SYNRG: variants seen among roughly 807,000 people sequenced by gnomAD.
SYNRG encodes the protein synergin gamma.
In SYNRG, 37 loss-of-function variants were observed where a neutral mutation model predicts 130.9. The observed-to-expected ratio is 0.28, with a 90% CI of 0.22 to 0.37. SYNRG has a LOEUF of 0.37. Ranked by LOEUF, SYNRG falls within the 10% of genes least tolerant of loss-of-function variation. The probability of loss-of-function intolerance (pLI) is 1.00; values close to 1 mark genes in which losing one functional copy is unlikely to be tolerated. For synonymous variants in SYNRG, 539 were observed against 568.1 expected (o/e 0.95, Z 0.73); for missense variants, 1,338 against 1,588.9 (o/e 0.84, Z 2.68).
intron 13 of SYNRG, among the ~76,000 whole-genome samples, 194 bp from the exon 14 acceptor site, chr17:37,554,253 A>G (rs2058933625): frequency 6.6e-6 from 1 of 152,208 alleles, no homozygotes; most frequent in African/African-American, 2.4e-5. Flanking sequence ...ATACTGAAAT[A>G]AATAGAAATC....
chr17:37,582,659 G>C (rs2146390153), intron 6 of SYNRG, among the ~76,000 whole-genome samples: 1 of 152,262 alleles, frequency 6.6e-6, no homozygotes, highest in South Asian at 2.1e-4. Context: ...CCAGGAGTTT[G>C]AGACTAGCCA....
Position 37,542,128 on chromosome 17 carries a change from TTTC to T in SYNRG, c.3043_3045del (p.Glu1015del). On this transcript the variant is annotated inframe_deletion, in exon 15 of 22. Transcript: ENST00000612223. ...AAGTCATCCGAACATTCGTTCGGGG[TTTC>T]TTGAGAGGCACCACTGGACGCTGGG... is the stretch of plus-strand genomic sequence containing the variant. The T allele has an allele frequency of 3.7e-6, 6 of 1,614,102 alleles. No homozygotes were observed. Among genetic ancestry groups the T allele is most frequent in the Non-Finnish European group, 5.1e-6 (6 of 1,180,020 alleles).
At chr17:37,539,389 GT>G in intron 16 of SYNRG, 144 bp from the exon 17 acceptor site, 1 of 913,704 alleles carries the variant, frequency 1.1e-6, no homozygotes, top group East Asian at 2.6e-5. Context: ...TTTTGTTTTT[GT>G]TTTTGTTTTG....
intron 14 of SYNRG, among the ~76,000 whole-genome samples, chr17:37,544,235 T>C (rs775958910): frequency 6.6e-6 from 1 of 151,812 alleles, no homozygotes; most frequent in Non-Finnish European, 1.5e-5. Flanking sequence ...TATTTAAAAA[T>C]TCTGTGGTGC....
intron 6 of SYNRG, chr17:37,579,485 G>A: frequency 8.0e-7 from 1 of 1,251,052 alleles, no homozygotes; most frequent in South Asian, 1.3e-5. Flanking sequence ...AACCAACAGA[G>A]AAAAAGGAAT....
At position 37,571,843 on chromosome 17, in the gene SYNRG, T is replaced by C. The variant is rs2060458299; in HGVS notation, c.1046A>G (p.Lys349Arg). The C allele has an allele frequency of 6.8e-6, 11 of 1,614,190 alleles. No individual in the cohort carries two copies. Among genetic ancestry groups the C allele is most frequent in the Non-Finnish European group, 7.6e-6 (9 of 1,180,032 alleles). ...WALANRTTPG[K>R]LTKEELYTVL... ...GGTATAAAGTTCTTCTTTTGTAAGT[T>C]TGCCAGGTGTAGTTCGATTAGCTAA... Residue 349 changes from lysine to arginine, a missense_variant, in exon 9 of 22, where the codon AAA becomes AGA. Lys to Arg is a conservative substitution (Grantham distance 26). Coordinates refer to ENST00000612223, the MANE Select transcript of SYNRG (RefSeq NM_007247.6).
At chr17:37,589,242 C>T (rs2061942299) in intron 3 of SYNRG, among the ~76,000 whole-genome samples, 1 of 152,050 alleles carries the variant, frequency 6.6e-6, no homozygotes. Context: ...GCAAGGACCA[C>T]GAATCAGCTA....
chr17:37,576,214 G>GA, intron 8 of SYNRG, 127 bp downstream of exon 8: 1 of 855,276 alleles, frequency 1.2e-6, no homozygotes, highest in Non-Finnish European at 1.8e-6. Flanking sequence ...TACTCTTTCA[G>GA]AAAAAAAGAA....
chr17:37,520,197 T>G lies in SYNRG; in HGVS notation c.3795A>C (p.Ala1265=). 6.2e-7 allele frequency: 1 copy of G among 1,614,222 alleles called. No homozygotes were observed. Residue 1265 remains alanine (A), a synonymous_variant, in exon 21 of 22, where the codon GCA becomes GCC. Coordinates refer to ENST00000612223, the MANE Select transcript of SYNRG (RefSeq NM_007247.6). ...DSRSRKEEKP[A]EEHPKKAFNS... ...TTCATACTTTTTTAGGATGTTCTTC[T>G]GCAGGCTTCTCTTCTTTCTGAAATA...
chr17:37,564,844 A>T (rs1250324832), intron 11 of SYNRG, among the ~76,000 whole-genome samples: 1 of 152,280 alleles, frequency 6.6e-6, no homozygotes, highest in Non-Finnish European at 1.5e-5. Flanking sequence ...TCTTTAGAGC[A>T]GGAACTGTGG....
At chr17:37,591,581 T>C (rs904410639) in intron 3 of SYNRG, among the ~76,000 whole-genome samples, 2 of 152,200 alleles carry the variant, frequency 1.3e-5, no homozygotes, top group Admixed American at 6.5e-5. Context: ...AAGACTGTGT[T>C]ATTGGTGAAG....
chr17:37,590,177 AAAAAG>A (rs1011532123), intron 3 of SYNRG, among the ~76,000 whole-genome samples: 7,331 of 150,712 alleles, frequency 0.049, 439 homozygotes, highest in African/African-American at 0.17. Context: ...CAAAAAAAAA[AAAAAG>A]AAAAGAAAAG....
chr17:37,565,760 T>C (rs1158061563), intron 11 of SYNRG, among the ~76,000 whole-genome samples: 1 of 128,620 alleles, frequency 7.8e-6, no homozygotes, highest in Middle Eastern at 6.2e-3. Flanking sequence ...GTGAGGAGCG[T>C]CTCTGCCCGG....
chr17:37,542,185 C>T lies in SYNRG; in HGVS notation c.2989G>A (p.Glu997Lys), dbSNP rs150777752. Residue 997 changes from glutamate to lysine, a missense_variant, in exon 15 of 22, where the codon GAA (glutamate) becomes AAA (lysine). Around this residue, in one of 3 missense-constraint regions of SYNRG, gnomAD observed 1,146 missense variants for 1,342.3 expected, o/e 0.85. Transcript: ENST00000612223. ...GGACACGTGGCCTCCTGGCTCCGTTCAGCCGTAGGCAGGTCCTGTTTTGTG... is the reference window on the plus strand; with the variant it reads ...GGACACGTGGCCTCCTGGCTCCGTTTAGCCGTAGGCAGGTCCTGTTTTGTG... The part of the protein sequence containing the change: ...DFTKQDLPTA[E>K]RSQEATCPSP... 3 of 1,614,224 alleles carry T rather than the reference C, an allele frequency of 1.9e-6. No homozygotes were observed. The East Asian group carries it at 6.7e-5, about 36-fold the overall frequency.
intron 11 of SYNRG, chr17:37,567,404 T>C (rs918622588): frequency 1.3e-5 from 2 of 152,218 alleles, no homozygotes; most frequent in African/African-American, 4.8e-5. Context: ...ACACTAAAGG[T>C]AATTTCATGC....
Position 37,609,395 on chromosome 17 carries a change from TATC to T in SYNRG, c.-43_-41del. On this transcript the variant is annotated 5_prime_UTR_variant, in exon 1 of 22. Transcript: ENST00000612223. The stretch of plus-strand genomic sequence containing the variant: ...GCCGCTGCCTTCGCCGCCGCCACCT[TATC>T]AGCAGCTGTCAGCTGAACACAGCCA... 2.2e-6 allele frequency: 3 copies of T among 1,390,236 alleles called. No homozygotes were observed. Among genetic ancestry groups the T allele is most frequent in the Non-Finnish European group, 2.8e-6 (3 of 1,076,150 alleles). The allele number at this position is 1,390,236 out of a possible 1,614,324, so 86.1% of individuals were successfully genotyped here. A position where few individuals can be genotyped will look rare whatever the true frequency, so the allele number is the denominator to read the frequency against.
intron 19 of SYNRG, chr17:37,529,671 G>T: frequency 1.0e-6 from 1 of 971,352 alleles, no homozygotes; most frequent in Non-Finnish European, 1.5e-6. Context: ...ACTTCACCTG[G>T]TGAGAGGAGC....
At chr17:37,525,185 A>G (rs2055680846) in intron 19 of SYNRG, among the ~76,000 whole-genome samples, 1 of 152,268 alleles carries the variant, frequency 6.6e-6, no homozygotes, top group Non-Finnish European at 1.5e-5. Context: ...GGCTGTCATC[A>G]TATAAGAAGG....
In SYNRG at chr17:37,540,528, C is replaced by A. The variant is rs759391395; in HGVS notation, c.3218G>T (p.Ser1073Ile). Residue 1073 changes from serine to isoleucine, a missense_variant, in exon 16 of 22, where the codon AGT becomes ATT. Transcript: ENST00000612223. Reference protein sequence around the residue: ...DLSVQGSHKRSLSLGDKEISR... With the variant: ...DLSVQGSHKRILSLGDKEISR... ...TATTTCTTTATCACCAAGGCTCAAA[C>A]TCCTCTTGTGTGATCCTGGGAGAAG... 2 of 1,613,948 alleles carry A rather than the reference C, an allele frequency of 1.2e-6. No individual in the cohort carries two copies. The highest frequency in any genetic ancestry group is 1.7e-6 in the Non-Finnish European group (2 of 1,179,984).
Sources: allele counts gnomAD v4.1 joint callset (sites outside exome capture counted in the v4.1 genomes callset), GRCh38; gene constraint gnomAD v4.1.1; regional missense constraint gnomAD v4.1.1; transcripts MANE v1.5; gene names NCBI Gene and HGNC (gene_info 2026-07-23, HGNC 2026-07-21).